NPAS2: variants seen among roughly 807,000 people sequenced by gnomAD.
NPAS2 encodes neuronal PAS domain-containing protein 2.
NPAS2 carries 23 observed loss-of-function variants against 107.5 expected under a neutral mutation model. That is an observed-to-expected ratio of 0.21 (90% CI 0.15 to 0.30). The LOEUF is 0.30. Ranked by LOEUF, NPAS2 falls within the 10% of genes least tolerant of loss-of-function variation. NPAS2 has a pLI of 1.00. For missense variants in NPAS2, 756 were observed against 1,043.3 expected, an observed-to-expected ratio of 0.72 and a Z score of 3.79; for synonymous variants, 403 against 417.5, an observed-to-expected ratio of 0.97 and a Z score of 0.42.
At chr2:100,975,933 G>C (rs1002704281) in intron 14 of NPAS2, among the ~76,000 whole-genome samples, 3 of 152,134 alleles carry the variant, frequency 2.0e-5, no homozygotes, top group Admixed American at 2.0e-4. Context: ...GAGCAGCTCA[G>C]TGTCAACAAA....
intron 1 of NPAS2, among the ~76,000 whole-genome samples, chr2:100,882,828 A>G (rs1367599777): frequency 6.6e-6 from 1 of 152,074 alleles, no homozygotes; most frequent in Admixed American, 6.5e-5. Context: ...CACACATGCC[A>G]TGCACTTTCT....
intron 3 of NPAS2, 22 bp downstream of exon 3, chr2:100,925,316 G>C (rs762810172): frequency 6.2e-7 from 1 of 1,604,302 alleles, no homozygotes; most frequent in South Asian, 1.1e-5. Context: ...CCTTCTCTCT[G>C]TTTTTTTTCC....
At chr2:100,846,922 A>G (rs1228966551) in intron 1 of NPAS2, 5 of 152,180 alleles carry the variant, frequency 3.3e-5, no homozygotes, top group Admixed American at 3.3e-4. Flanking sequence ...TCATCCACCA[A>G]AAGCCTGCAT....
In NPAS2 at chr2:100,904,796, A is replaced by T. The variant is rs1386388317; in HGVS notation, c.32+10A>T. 3 of 1,601,700 alleles carry T rather than the reference A, an allele frequency of 1.9e-6. No individual in the cohort carries two copies. The highest frequency in any genetic ancestry group is 2.6e-6 in the Non-Finnish European group (3 of 1,171,118). On this transcript the variant is annotated intron_variant, in intron 2 of 20. Transcript: ENST00000335681. ...AAGACAGAGCCAAGAGGTAAGATGCAGCTGTCCCCCTGCTCAGCAGAGCTC... is the reference window on the plus strand; with the variant it reads ...AAGACAGAGCCAAGAGGTAAGATGCTGCTGTCCCCCTGCTCAGCAGAGCTC...
At chr2:100,910,180 T>G (rs1682451175) in intron 2 of NPAS2, among the ~76,000 whole-genome samples, 1 of 152,230 alleles carries the variant, frequency 6.6e-6, no homozygotes, top group Non-Finnish European at 1.5e-5. Context: ...TTGAAAATGC[T>G]GCCTTTCTTT....
At chr2:100,970,880 G>T in intron 11 of NPAS2, 110 bp from the exon 12 acceptor site, 1 of 849,280 alleles carries the variant, frequency 1.2e-6, no homozygotes. Context: ...ACTGTTGTGG[G>T]GGGCAGGGGT....
At chr2:100,991,237 C>A (rs1363477715) in intron 19 of NPAS2, among the ~76,000 whole-genome samples, 1 of 152,154 alleles carries the variant, frequency 6.6e-6, no homozygotes. Flanking sequence ...CGCAGGCACA[C>A]TTGGTGCTCC....
chr2:100,995,226 C>T (rs77141396), intron 20 of NPAS2, 174 bp from the exon 21 acceptor site: 6,230 of 548,482 alleles, frequency 0.011, 304 homozygotes, highest in African/African-American at 0.1. Context: ...CCCTTAGTCC[C>T]CATCCCCACC....
At chr2:100,873,301 T>TACAC (rs1679723479) in intron 1 of NPAS2, among the ~76,000 whole-genome samples, 5 of 64,774 alleles carry the variant, frequency 7.7e-5, no homozygotes, top group South Asian at 8.0e-4. Context: ...TATATATATA[T>TACAC]ATATATACAC....
intron 1 of NPAS2, among the ~76,000 whole-genome samples, chr2:100,848,117 A>G (rs1308666021): frequency 2.6e-5 from 4 of 152,178 alleles, no homozygotes; most frequent in African/African-American, 4.8e-5. Flanking sequence ...GGCCCAGGGA[A>G]GGAGCTTGCA....
chr2:100,859,834 G>A (rs1160055339), intron 1 of NPAS2, among the ~76,000 whole-genome samples: 2 of 152,054 alleles, frequency 1.3e-5, no homozygotes, highest in Non-Finnish European at 2.9e-5. Flanking sequence ...GTAAGAATAG[G>A]GCAACTAGCT....
At chr2:100,923,691 TG>T (rs1683385046) in intron 2 of NPAS2, among the ~76,000 whole-genome samples, 1 of 152,136 alleles carries the variant, frequency 6.6e-6, no homozygotes, top group South Asian at 2.1e-4. Flanking sequence ...GCCTGGCCTC[TG>T]GGGCCCCTGT....
intron 5 of NPAS2, among the ~76,000 whole-genome samples, chr2:100,946,525 T>C (rs1244993013): frequency 6.6e-6 from 1 of 151,998 alleles, no homozygotes; most frequent in African/African-American, 2.4e-5. Flanking sequence ...GAAAAAAGGC[T>C]CGGAAGGATT....
At chr2:100,931,596 C>A (rs954659458) in intron 3 of NPAS2, among the ~76,000 whole-genome samples, 1 of 150,904 alleles carries the variant, frequency 6.6e-6, no homozygotes. Context: ...ATGCCATTCT[C>A]CTGCCTCAGC....
intron 1 of NPAS2, among the ~76,000 whole-genome samples, chr2:100,866,126 T>C (rs1219107598): frequency 6.6e-6 from 1 of 152,206 alleles, no homozygotes; most frequent in African/African-American, 2.4e-5. Flanking sequence ...AGCTGTGCCA[T>C]CAGTGAGGCC....
chr2:100,825,316 C>T (rs1676306548), intron 1 of NPAS2, among the ~76,000 whole-genome samples: 1 of 152,054 alleles, frequency 6.6e-6, no homozygotes, highest in Non-Finnish European at 1.5e-5. Context: ...TATAAAAGTA[C>T]ATAGTTTTTG....
intron 5 of NPAS2, among the ~76,000 whole-genome samples, chr2:100,943,052 A>G (rs953682707): frequency 2.6e-5 from 4 of 152,208 alleles, no homozygotes; most frequent in Non-Finnish European, 4.4e-5. Flanking sequence ...GTTTGCAAGC[A>G]TCCCTGGAGG....
chr2:100,875,489 C>CAT (rs1356739122), intron 1 of NPAS2, among the ~76,000 whole-genome samples: 42 of 149,558 alleles, frequency 2.8e-4, no homozygotes, highest in African/African-American at 9.1e-4. Context: ...CACACACACA[C>CAT]ACACACACAC....
chr2:100,974,981 A>AAT, intron 13 of NPAS2, 37 bp downstream of exon 13: 10 of 1,608,938 alleles, frequency 6.2e-6, no homozygotes, highest in Non-Finnish European at 8.5e-6. Flanking sequence ...TGGGATGTCC[A>AAT]CATCAGACCA....
Sources: gnomAD v4.1 joint callset for allele counts (sites outside exome capture counted in the v4.1 genomes callset) on GRCh38, gnomAD v4.1.1 for gene constraint, MANE v1.5 for transcripts, NCBI Gene and HGNC (gene_info 2026-07-23, HGNC 2026-07-21) for gene names.